The following PTPRD variants were observed in gnomAD, a reference collection of about 807,000 sequenced individuals.
The protein encoded by PTPRD is protein tyrosine phosphatase receptor type D.
PTPRD carries 34 observed loss-of-function variants against 214.5 expected under a neutral mutation model. The observed-to-expected ratio is 0.16, with a 90% confidence interval of 0.12 to 0.21. The LOEUF is 0.21. Ranked by LOEUF, PTPRD falls within the 10% of genes least tolerant of loss-of-function variation. PTPRD has a pLI of 1.00. For synonymous variants in PTPRD, 1,128 were observed against 845.7 expected (o/e 1.33, Z -5.79); for missense variants, 2,545 against 2,398.7 (o/e 1.06, Z -1.27).
intron 11 of PTPRD, among the ~76,000 whole-genome samples, chr9:8,905,607 C>G (rs569145409): frequency 6.6e-6 from 1 of 151,750 alleles, no homozygotes; most frequent in East Asian, 1.9e-4. Flanking sequence ...GGCATGGTGG[C>G]GAGTGCCTGT....
At chr9:8,454,644 TG>T in intron 33 of PTPRD, 1 of 1,599,266 alleles carries the variant, frequency 6.3e-7, no homozygotes, top group Non-Finnish European at 8.5e-7. Flanking sequence ...AAATGTTAGT[TG>T]GCCAATGGTA....
chr9:8,591,307 G>C (rs1165937861), intron 14 of PTPRD, among the ~76,000 whole-genome samples: 2 of 152,244 alleles, frequency 1.3e-5, no homozygotes, highest in South Asian at 4.1e-4. Context: ...GATGGTCAGG[G>C]CCATTATTTG....
At chr9:9,516,164 ATTTTG>A (rs1221890414) in intron 8 of PTPRD, among the ~76,000 whole-genome samples, 2 of 152,130 alleles carry the variant, frequency 1.3e-5, no homozygotes, top group Non-Finnish European at 2.9e-5. Context: ...ACTGGATCTT[ATTTTG>A]TTTATACCAA....
At chr9:8,994,110 TGGAGAG>T (rs2099387653) in intron 11 of PTPRD, among the ~76,000 whole-genome samples, 1 of 152,128 alleles carries the variant, frequency 6.6e-6, no homozygotes, top group Non-Finnish European at 1.5e-5. Context: ...TAGAACTAGA[TGGAGAG>T]GGAGTTCAAT....
At chr9:10,223,250 T>C (rs2154350617) in intron 3 of PTPRD, among the ~76,000 whole-genome samples, 1 of 152,032 alleles carries the variant, frequency 6.6e-6, no homozygotes, top group South Asian at 2.1e-4. Flanking sequence ...CTTACTTCTG[T>C]TTCTTCTGTA....
intron 39 of PTPRD, among the ~76,000 whole-genome samples, chr9:8,368,057 C>T (rs2080430678): frequency 1.3e-5 from 2 of 152,162 alleles, no homozygotes; most frequent in Non-Finnish European, 2.9e-5. Context: ...CCATACAATG[C>T]TGGCCCCTAA....
chr9:8,839,180 A>G (rs1361253955), intron 11 of PTPRD, among the ~76,000 whole-genome samples: 1 of 152,164 alleles, frequency 6.6e-6, no homozygotes, highest in African/African-American at 2.4e-5. Flanking sequence ...TCAAGCAAAC[A>G]TAAGGGAAAA....
chr9:10,209,423 C>T (rs564510590), intron 3 of PTPRD, among the ~76,000 whole-genome samples: 1 of 152,242 alleles, frequency 6.6e-6, no homozygotes, highest in Admixed American at 6.5e-5. Context: ...AATCGAATTT[C>T]TTCATTTAGA....
chr9:10,004,595 A>AT (rs1217480709), intron 4 of PTPRD, among the ~76,000 whole-genome samples: 1 of 151,872 alleles, frequency 6.6e-6, no homozygotes, highest in Non-Finnish European at 1.5e-5. Context: ...TTAAGGTGCC[A>AT]TTTAGCTCTC....
intron 6 of PTPRD, among the ~76,000 whole-genome samples, chr9:9,737,548 C>G (rs889261452): frequency 1.4e-4 from 22 of 152,098 alleles, no homozygotes; most frequent in Admixed American, 2.6e-4. Flanking sequence ...AATCTATTGT[C>G]TCTCTGGATT....
At chr9:9,885,061 ACTGGTGC>A (rs2070330318) in intron 5 of PTPRD, among the ~76,000 whole-genome samples, 1 of 152,066 alleles carries the variant, frequency 6.6e-6, no homozygotes. Context: ...GGCTAGTAAA[ACTGGTGC>A]CTGTAGTAAC....
At chr9:9,784,391 T>C (rs2098899031) in intron 5 of PTPRD, among the ~76,000 whole-genome samples, 1 of 152,066 alleles carries the variant, frequency 6.6e-6, no homozygotes, top group Non-Finnish European at 1.5e-5. Context: ...TTATTTACAA[T>C]AAATAAGCTT....
chr9:9,720,197 G>T (rs936902929), intron 7 of PTPRD, among the ~76,000 whole-genome samples: 9 of 152,128 alleles, frequency 5.9e-5, no homozygotes, highest in African/African-American at 2.2e-4. Context: ...TATAAAAAAG[G>T]GGTAGCAGTG....
chr9:9,323,590 A>T (rs897097868), intron 9 of PTPRD, among the ~76,000 whole-genome samples: 8 of 152,152 alleles, frequency 5.3e-5, no homozygotes, highest in Admixed American at 5.2e-4. Flanking sequence ...GAGAACCATC[A>T]TACTATCTTA....
chr9:9,931,119 T>C (rs1053617199), intron 5 of PTPRD, among the ~76,000 whole-genome samples: 1 of 152,142 alleles, frequency 6.6e-6, no homozygotes, highest in Non-Finnish European at 1.5e-5. Flanking sequence ...AACAATTTAA[T>C]TGACAATTTT....
intron 8 of PTPRD, among the ~76,000 whole-genome samples, chr9:9,548,411 T>TTC (rs1555549966): frequency 7.4e-5 from 11 of 148,550 alleles, no homozygotes; most frequent in Non-Finnish European, 1.5e-4. Context: ...TTTTCTTTTT[T>TTC]TTTTTTTTTT....
intron 30 of PTPRD, among the ~76,000 whole-genome samples, chr9:8,482,077 G>A (rs967054250): frequency 6.6e-6 from 1 of 152,112 alleles, no homozygotes; most frequent in South Asian, 2.1e-4. Context: ...CACCATGCCT[G>A]GCCATCTTTA....
At chr9:9,358,259 A>G (rs1487358750) in intron 9 of PTPRD, among the ~76,000 whole-genome samples, 1 of 151,326 alleles carries the variant, frequency 6.6e-6, no homozygotes, top group Non-Finnish European at 1.5e-5. Flanking sequence ...ATTTAAAAAT[A>G]TAGACCAAAA....
chr9:10,258,371 G>C (rs2093441646), intron 3 of PTPRD, among the ~76,000 whole-genome samples: 2 of 152,058 alleles, frequency 1.3e-5, no homozygotes, highest in Admixed American at 6.6e-5. Flanking sequence ...CATGAGAAGG[G>C]ATGAAGGTAG....
Sources: gnomAD v4.1 joint callset for allele counts (sites outside exome capture counted in the v4.1 genomes callset) on GRCh38, gnomAD v4.1.1 for gene constraint, MANE v1.5 for transcripts, NCBI Gene and HGNC (gene_info 2026-07-23, HGNC 2026-07-21) for gene names.